The following LHFPL2 variants were observed in gnomAD, a reference collection of about 807,000 sequenced individuals.
The protein encoded by LHFPL2 is LHFPL tetraspan subfamily member 2 protein.
Under a neutral mutation model 17.5 loss-of-function variants are expected in LHFPL2, and 7 were observed. The observed-to-expected ratio is 0.40, with a 90% CI of 0.23 to 0.75. The LOEUF is 0.75. Ranked by LOEUF, LHFPL2 falls within the 30% of genes least tolerant of loss-of-function variation. LHFPL2 has a pLI of 0.37. For synonymous variants in LHFPL2, 134 were observed against 116.2 expected (o/e 1.15, Z -0.99); for missense variants, 241 against 294.8 (o/e 0.82, Z 1.34).
At chr5:78,518,758 C>A (rs770134956) in intron 3 of LHFPL2, among the ~76,000 whole-genome samples, 2 of 152,132 alleles carry the variant, frequency 1.3e-5, no homozygotes, top group Admixed American at 6.5e-5. Context: ...CACAGAAAAA[C>A]CCCTTTTTAA....
chr5:78,505,253 A>C (rs906424739), intron 4 of LHFPL2, among the ~76,000 whole-genome samples: 2 of 152,232 alleles, frequency 1.3e-5, no homozygotes, highest in African/African-American at 4.8e-5. Context: ...CTGCTGGCTG[A>C]TCACCCGGCT....
intron 3 of LHFPL2, among the ~76,000 whole-genome samples, chr5:78,526,617 T>C (rs924455124): frequency 1.3e-5 from 2 of 152,260 alleles, no homozygotes; most frequent in African/African-American, 4.8e-5. Flanking sequence ...TTGTGCCTAG[T>C]GCTTAAGGCT....
At chr5:78,493,664 A>G (rs1439839134) in intron 4 of LHFPL2, among the ~76,000 whole-genome samples, 2 of 152,236 alleles carry the variant, frequency 1.3e-5, no homozygotes, top group Admixed American at 6.5e-5. Context: ...CTGAGATACC[A>G]GTCAATAAGA....
intron 2 of LHFPL2, among the ~76,000 whole-genome samples, chr5:78,620,511 C>T (rs1744813380): frequency 6.6e-6 from 1 of 152,186 alleles, no homozygotes; most frequent in Non-Finnish European, 1.5e-5. Context: ...AAAAGCACCT[C>T]CCATCAGTCT....
intron 3 of LHFPL2, among the ~76,000 whole-genome samples, chr5:78,550,269 A>C (rs1756401958): frequency 6.6e-6 from 1 of 152,212 alleles, no homozygotes; most frequent in Non-Finnish European, 1.5e-5. Flanking sequence ...CACTTTCAAC[A>C]GCCATGGCAC....
At chr5:78,617,599 G>A (rs1744666074) in intron 2 of LHFPL2, among the ~76,000 whole-genome samples, 2 of 151,906 alleles carry the variant, frequency 1.3e-5, no homozygotes, top group South Asian at 4.2e-4. Context: ...CCCAGGGCTG[G>A]ATTTAGGACA....
chr5:78,570,426 T>C (rs915736812), intron 2 of LHFPL2, among the ~76,000 whole-genome samples: 6 of 151,892 alleles, frequency 4.0e-5, no homozygotes, highest in South Asian at 2.1e-4. Flanking sequence ...GCAGGGGGGA[T>C]CCTCCAGTGG....
At chr5:78,588,567 T>C (rs759539555) in intron 2 of LHFPL2, among the ~76,000 whole-genome samples, 1 of 152,166 alleles carries the variant, frequency 6.6e-6, no homozygotes, top group Non-Finnish European at 1.5e-5. Context: ...AAGTTAACAA[T>C]GTACATAGAA....
intron 3 of LHFPL2, among the ~76,000 whole-genome samples, chr5:78,540,724 A>G (rs1756085434): frequency 6.6e-6 from 1 of 152,234 alleles, no homozygotes; most frequent in South Asian, 2.1e-4. Flanking sequence ...ATGTCACTGC[A>G]TTAACCACAG....
At position 78,488,774 on chromosome 5, in the gene LHFPL2, GCC is replaced by G; in HGVS notation, c.*121_*122del. 1.8e-6 allele frequency: 2 copies of G among 1,129,666 alleles called. No individual in the cohort carries two copies. Among genetic ancestry groups the G allele is most frequent in the Non-Finnish European group, 2.6e-6 (2 of 778,476 alleles). 70.0% of individuals were successfully genotyped at this position (1,129,666 alleles called of 1,614,324 possible). ...GTGGCCTCTCATTGGTCCTGTTTAAGCCTCGGGCCGTGGAACGTGGCTTTGGT... is the reference window on the plus strand; with the variant it reads ...GTGGCCTCTCATTGGTCCTGTTTAAGTCGGGCCGTGGAACGTGGCTTTGGT... On this transcript the variant is annotated 3_prime_UTR_variant, in exon 5 of 5. Coordinates refer to ENST00000380345, the MANE Select transcript of LHFPL2 (RefSeq NM_005779.3).
intron 3 of LHFPL2, among the ~76,000 whole-genome samples, chr5:78,520,869 A>AT (rs1755437322): frequency 6.6e-6 from 1 of 152,218 alleles, no homozygotes; most frequent in Non-Finnish European, 1.5e-5. Flanking sequence ...CCTGCCATTA[A>AT]AGGACCCTTA....
In LHFPL2 at chr5:78,488,619, T is replaced by C. The variant is rs188357843; in HGVS notation, c.*278A>G. The C allele has an allele frequency of 1.4e-5, 6 of 430,684 alleles. No individual in the cohort carries two copies. The highest frequency in any genetic ancestry group is 4.4e-5 in the East Asian group (1 of 22,818). 26.7% of individuals were successfully genotyped at this position (430,684 alleles called of 1,614,324 possible). A position where few individuals can be genotyped will look rare whatever the true frequency, so the allele number is the denominator to read the frequency against. On this transcript the variant is annotated 3_prime_UTR_variant, in exon 5 of 5. Transcript: ENST00000380345. Reference sequence around the variant, plus strand: ...TAATGATTTAGATTATTATCCTTCATTGAACCTGGGGGAGATGGAGTCTGA... The same window carrying C: ...TAATGATTTAGATTATTATCCTTCACTGAACCTGGGGGAGATGGAGTCTGA...
Position 78,533,348 on chromosome 5 carries a change from C to T in LHFPL2, c.-185-22950G>A, listed in dbSNP as rs987703245. Among the ~76,000 whole-genome samples, 34 of 152,286 alleles carry T rather than the reference C, an allele frequency of 2.2e-4. 1 individual carries two copies. Among genetic ancestry groups the T allele is most frequent in the Admixed American group, 2.2e-3 (33 of 15,302 alleles). ...TATCTATTAGGTATGAGAGTAATGCCAACCATATGAACAAAGTGCTGCCTG... is the reference window on the plus strand; with the variant it reads ...TATCTATTAGGTATGAGAGTAATGCTAACCATATGAACAAAGTGCTGCCTG... On this transcript the variant is annotated intron_variant, in intron 3 of 4. Transcript: ENST00000380345.
At chr5:78,633,939 A>G (rs1745339029) in intron 1 of LHFPL2, among the ~76,000 whole-genome samples, 1 of 152,152 alleles carries the variant, frequency 6.6e-6, no homozygotes, top group Non-Finnish European at 1.5e-5. Context: ...GGAAGGCTCC[A>G]TGTGGTTTTA....
intron 3 of LHFPL2, among the ~76,000 whole-genome samples, chr5:78,556,294 T>C (rs556314692): frequency 6.6e-6 from 1 of 152,260 alleles, no homozygotes; most frequent in African/African-American, 2.4e-5. Context: ...ATGTCACTAT[T>C]ATCATAAATG....
At chr5:78,563,147 A>AAT (rs1756774406) in intron 3 of LHFPL2, among the ~76,000 whole-genome samples, 1 of 152,200 alleles carries the variant, frequency 6.6e-6, no homozygotes, top group Non-Finnish European at 1.5e-5. Flanking sequence ...GAACTCTATG[A>AAT]GCACAAACCA....
chr5:78,551,558 T>C (rs533522030), intron 3 of LHFPL2, among the ~76,000 whole-genome samples: 1 of 152,148 alleles, frequency 6.6e-6, no homozygotes, highest in South Asian at 2.1e-4. Context: ...AGCTATTCAA[T>C]CAGAAATAAA....
rs148328151 is a variant in LHFPL2 at position 78,486,741 on chromosome 5, T to C, written c.*2156A>G. ...ACACTCCCTTGTGACTGTTCCCAGGTTGATCTAGAGGTACACTGCCACCTT... is the reference window on the plus strand; with the variant it reads ...ACACTCCCTTGTGACTGTTCCCAGGCTGATCTAGAGGTACACTGCCACCTT... On this transcript the variant is annotated 3_prime_UTR_variant, in exon 5 of 5. Coordinates refer to ENST00000380345, the MANE Select transcript of LHFPL2 (RefSeq NM_005779.3). 2.4e-4 allele frequency: 36 copies of C among 152,320 alleles called. No homozygotes were observed. The highest frequency in any genetic ancestry group is 3.4e-3 in the Middle Eastern group (1 of 294). 9.4% of individuals were successfully genotyped at this position (152,320 alleles called of 1,614,324 possible). A position where few individuals can be genotyped will look rare whatever the true frequency, so the allele number is the denominator to read the frequency against.
At chr5:78,605,576 C>A (rs985448619) in intron 2 of LHFPL2, among the ~76,000 whole-genome samples, 1 of 152,128 alleles carries the variant, frequency 6.6e-6, no homozygotes, top group Admixed American at 6.5e-5. Flanking sequence ...ACACAGGTCA[C>A]CTTACAACAT....
Sources: gnomAD v4.1 joint callset for allele counts (sites outside exome capture counted in the v4.1 genomes callset) on GRCh38, gnomAD v4.1.1 for gene constraint, MANE v1.5 for transcripts, NCBI Gene and HGNC (gene_info 2026-07-23, HGNC 2026-07-21) for gene names.